ZNF532: variants seen among roughly 807,000 people sequenced by gnomAD.
The protein encoded by ZNF532 is zinc finger protein 532.
ZNF532 carries 22 observed loss-of-function variants against 89.3 expected under a neutral mutation model. The observed-to-expected ratio is 0.25, with a 90% CI of 0.18 to 0.35. The LOEUF (loss-of-function observed/expected upper bound fraction) is 0.35. ZNF532 is among the 10% of genes least tolerant of loss of function. The pLI is 1.00. For missense variants in ZNF532, 1,132 were observed against 1,643.4 expected (o/e 0.69, Z 5.38); for synonymous variants, 606 against 649.6 (o/e 0.93, Z 1.02).
chr18:58,922,857 A>G (rs911083140), intron 3 of ZNF532, among the ~76,000 whole-genome samples: 1 of 152,316 alleles, frequency 6.6e-6, no homozygotes, highest in Admixed American at 6.5e-5. Flanking sequence ...AAGGAAGGGC[A>G]TGAGCAGGCG....
At position 58,953,669 on chromosome 18, in the gene ZNF532, C is replaced by A; in HGVS notation, c.3020C>A (p.Ser1007Tyr). The part of the protein sequence containing the change: ...MNGKEKLEKK[S>Y]PSPVKKSMET... ...GGGAAAGAGAAATTGGAAAAGAAAT[C>A]TCCATCTCCTGTGAAAAAATCAATG... The change falls in exon 7 of 10, where the codon TCT becomes TAT. Residue 1007 changes from serine (S) to tyrosine (Y), a missense_variant. Physicochemically the swap from Ser to Tyr is moderately radical, Grantham distance 144. This residue lies in a region of ZNF532 where 415 missense variants were observed against 604.8 expected (regional missense o/e 0.69). Coordinates refer to ENST00000591808, the MANE Select transcript of ZNF532 (RefSeq NM_001375912.1). 3.7e-6 allele frequency: 6 copies of A among 1,613,994 alleles called. No homozygotes were observed. The highest frequency in any genetic ancestry group is 5.1e-6 in the Non-Finnish European group (6 of 1,179,874).
intron 9 of ZNF532, among the ~76,000 whole-genome samples, chr18:58,982,001 CAAAAAAA>C (rs60019659): frequency 4.8e-5 from 4 of 83,310 alleles, no homozygotes; most frequent in African/African-American, 8.6e-5. Context: ...GAGACTCTCC[CAAAAAAA>C]AAAAAAAAAA....
intron 2 of ZNF532, among the ~76,000 whole-genome samples, chr18:58,897,086 T>C (rs1033571532): frequency 2.0e-5 from 3 of 152,028 alleles, no homozygotes; most frequent in Non-Finnish European, 4.4e-5. Flanking sequence ...CTCAAAATAC[T>C]CTTAGGGTTG....
intron 2 of ZNF532, among the ~76,000 whole-genome samples, chr18:58,901,744 G>T (rs935303900): frequency 6.6e-6 from 1 of 152,174 alleles, no homozygotes; most frequent in Admixed American, 6.5e-5. Context: ...CCCTGAATGG[G>T]TACTGGCCTC....
At chr18:58,980,927 C>G (rs1442536608) in intron 8 of ZNF532, 2 of 154,830 alleles carry the variant, frequency 1.3e-5, no homozygotes, top group Non-Finnish European at 2.9e-5. Context: ...CAGGCGTGAA[C>G]CACTGCACCT....
intron 2 of ZNF532, among the ~76,000 whole-genome samples, chr18:58,870,803 G>T (rs1357605363): frequency 6.6e-6 from 1 of 152,140 alleles, no homozygotes; most frequent in Non-Finnish European, 1.5e-5. Context: ...TTAGGTGGCT[G>T]TCTGGGGGTT....
chr18:58,894,718 G>A (rs2059137376), intron 2 of ZNF532, among the ~76,000 whole-genome samples: 2 of 152,094 alleles, frequency 1.3e-5, no homozygotes, highest in Non-Finnish European at 2.9e-5. Context: ...AGCCATCCTC[G>A]ATTTTCAGGC....
In ZNF532 at chr18:58,929,771, A is replaced by G. The variant is rs2061799083; in HGVS notation, c.2347-4662A>G. 2.6e-5 allele frequency among the ~76,000 whole-genome samples: 4 copies of G among 152,238 alleles called. No individual in the cohort carries two copies. The South Asian group carries it at 8.3e-4, about 32-fold the overall frequency. ...CCAACTAGCTCTGTGAGCAAAAGGC[A>G]TATAAAGCCATTTCTGCTGTATTTG... On this transcript the variant is annotated intron_variant, in intron 3 of 9. Transcript: ENST00000591808.
At position 58,953,691 on chromosome 18, in the gene ZNF532, A is replaced by G. The variant is rs764424715; in HGVS notation, c.3042A>G (p.Ser1014=). The change falls in exon 7 of 10, where the codon TCA becomes TCG. Residue 1014 remains serine (S), a synonymous_variant. Transcript: ENST00000591808. ...AATCTCCATCTCCTGTGAAAAAATC[A>G]ATGGAAACCAAGAAAGTGGCCAGTC... ...EKKSPSPVKK[S]METKKVASPG... 6.2e-7 allele frequency: 1 copy of G among 1,614,052 alleles called. No individual in the cohort carries two copies. The highest frequency in any genetic ancestry group is 2.2e-5 in the East Asian group (1 of 44,894).
intron 4 of ZNF532, among the ~76,000 whole-genome samples, chr18:58,936,187 G>A (rs1415407266): frequency 1.3e-5 from 2 of 152,216 alleles, no homozygotes; most frequent in African/African-American, 2.4e-5. Context: ...AGTAAAATTG[G>A]TGCATTGTCT....
chr18:58,969,167 G>T (rs907129878), intron 7 of ZNF532, among the ~76,000 whole-genome samples: 6 of 152,186 alleles, frequency 3.9e-5, no homozygotes, highest in African/African-American at 1.4e-4. Flanking sequence ...TAGCTCTTGT[G>T]CCTGAGCCTC....
chr18:58,971,534 G>T (rs371600005), intron 7 of ZNF532, among the ~76,000 whole-genome samples: 1 of 152,174 alleles, frequency 6.6e-6, no homozygotes, highest in East Asian at 1.9e-4. Flanking sequence ...TACAAGGGCA[G>T]AGTTGAGTAG....
intron 2 of ZNF532, among the ~76,000 whole-genome samples, chr18:58,870,796 G>C (rs1441862041): frequency 2.9e-4 from 44 of 152,120 alleles, no homozygotes; most frequent in Non-Finnish European, 2.9e-5. Flanking sequence ...CTGCTTCTTA[G>C]GTGGCTGTCT....
intron 6 of ZNF532, among the ~76,000 whole-genome samples, chr18:58,950,410 G>A (rs868137096): frequency 6.6e-6 from 1 of 152,006 alleles, no homozygotes; most frequent in East Asian, 1.9e-4. Context: ...TGTTCTATGC[G>A]TTTAAAAATA....
intron 2 of ZNF532, among the ~76,000 whole-genome samples, chr18:58,888,724 T>TATATATATAATTTATATATA (rs753186648): frequency 2.6e-5 from 1 of 37,826 alleles, no homozygotes; most frequent in Non-Finnish European, 4.3e-5. Context: ...TATATATATA[T>TATATATATAATTTATATATA]AAATTATATA....
intron 7 of ZNF532, among the ~76,000 whole-genome samples, chr18:58,959,629 A>G (rs1044520545): frequency 6.6e-6 from 1 of 152,176 alleles, no homozygotes; most frequent in Non-Finnish European, 1.5e-5. Context: ...AGACTTGGGT[A>G]TATATTCTGG....
intron 2 of ZNF532, among the ~76,000 whole-genome samples, chr18:58,914,513 C>G (rs1490615576): frequency 1.3e-5 from 2 of 152,186 alleles, no homozygotes. Context: ...AACCCCGTCT[C>G]TACTAAAAAT....
intron 2 of ZNF532, 55 bp from the exon 3 acceptor site, chr18:58,918,216 C>T: frequency 4.0e-6 from 6 of 1,489,028 alleles, no homozygotes; most frequent in Non-Finnish European, 5.5e-6. Context: ...GGGGTTTTAT[C>T]TCATCGTGAG....
rs181271891 is a variant in ZNF532 at position 58,937,405 on chromosome 18, G to A, written c.2529-2040G>A. On this transcript the variant is annotated intron_variant, in intron 4 of 9. Coordinates refer to ENST00000591808, the MANE Select transcript of ZNF532 (RefSeq NM_001375912.1). Reference sequence around the variant, plus strand: ...TGCTTTCGTTTCTTACATTAAGGAGGGTTTCCCTTGGTCTCCATGGTGTTC... The same window carrying A: ...TGCTTTCGTTTCTTACATTAAGGAGAGTTTCCCTTGGTCTCCATGGTGTTC... Among the ~76,000 whole-genome samples the A allele has an allele frequency of 2.2e-4, 33 of 152,294 alleles. No individual in the cohort carries two copies. The East Asian group carries it at 6.2e-3, about 28-fold the overall frequency.
Sources: allele counts gnomAD v4.1 joint callset (sites outside exome capture counted in the v4.1 genomes callset), GRCh38; gene constraint gnomAD v4.1.1; regional missense constraint gnomAD v4.1.1; transcripts MANE v1.5; gene names NCBI Gene and HGNC (gene_info 2026-07-23, HGNC 2026-07-21).